The following PHAX variants were observed in gnomAD, a reference collection of about 807,000 sequenced individuals.
PHAX encodes the protein phosphorylated adaptor for RNA export.
A neutral mutation model predicts 41.6 loss-of-function variants in PHAX; 31 were observed. That is an observed-to-expected ratio of 0.75 (90% CI 0.56 to 1.01). PHAX has a LOEUF of 1.01. Among genes scored for constraint, PHAX ranks in the 50% least tolerant of loss-of-function variants. The pLI is 0.00. For synonymous variants in PHAX, 175 were observed against 164.9 expected, an observed-to-expected ratio of 1.06 and a Z score of -0.47; for missense variants, 453 against 472.9, an observed-to-expected ratio of 0.96 and a Z score of 0.39.
At chr5:126,621,612 A>G (rs1040421135) in intron 4 of PHAX, among the ~76,000 whole-genome samples, 1 of 152,214 alleles carries the variant, frequency 6.6e-6, no homozygotes, top group African/African-American at 2.4e-5. Flanking sequence ...GAACTTGACT[A>G]AGTTTGTTTT....
chr5:126,609,135 C>T (rs1752039821), intron 3 of PHAX, among the ~76,000 whole-genome samples: 1 of 111,178 alleles, frequency 9.0e-6, no homozygotes, highest in Non-Finnish European at 1.6e-5. Flanking sequence ...GAGTCTCGCT[C>T]TGTCGCCCAG....
Position 126,604,014 on chromosome 5 carries a change from G to C in PHAX, c.541G>C (p.Gly181Arg). The C allele has an allele frequency of 6.2e-7, 1 of 1,613,726 alleles. No homozygotes were observed. The highest frequency in any genetic ancestry group is 1.3e-5 in the African/African-American group (1 of 74,948). The change falls in exon 2 of 5, where the codon GGT (glycine) becomes CGT (arginine). Residue 181 changes from glycine to arginine, a missense_variant. By Grantham distance (125) the Gly-to-Arg change is moderately radical (BLOSUM62 -2). Transcript: ENST00000297540. ...LDKELDEYMH[G>R]GKKMGSKEEE... is the part of the protein sequence containing the mutation. Reference sequence around the variant, plus strand: ...CAAGGAACTAGATGAATATATGCATGGTGGCAAAAAAATGGGATCAAAGGA... The same window carrying C: ...CAAGGAACTAGATGAATATATGCATCGTGGCAAAAAAATGGGATCAAAGGA...
intron 2 of PHAX, among the ~76,000 whole-genome samples, chr5:126,605,697 G>A (rs1338465971): frequency 6.6e-6 from 1 of 152,120 alleles, no homozygotes; most frequent in Non-Finnish European, 1.5e-5. Flanking sequence ...CACCCACTGT[G>A]TTTTCTTAAA....
intron 3 of PHAX, among the ~76,000 whole-genome samples, chr5:126,613,457 C>T (rs1262794349): frequency 1.3e-5 from 2 of 152,128 alleles, no homozygotes; most frequent in Non-Finnish European, 2.9e-5. Flanking sequence ...TGTGGTGGCT[C>T]ACACGTGTGT....
At chr5:126,614,770 T>A (rs1229878856) in intron 3 of PHAX, among the ~76,000 whole-genome samples, 1 of 151,996 alleles carries the variant, frequency 6.6e-6, no homozygotes, top group Non-Finnish European at 1.5e-5. Flanking sequence ...CCCATTATTT[T>A]TTTTGAGATG....
chr5:126,622,978 T>C (rs1431907508), intron 4 of PHAX, among the ~76,000 whole-genome samples: 1 of 151,646 alleles, frequency 6.6e-6, no homozygotes, highest in Admixed American at 6.6e-5. Flanking sequence ...ATACAAAATA[T>C]AGTTAGGTGT....
At chr5:126,611,569 T>G (rs1315234757) in intron 3 of PHAX, among the ~76,000 whole-genome samples, 1 of 152,076 alleles carries the variant, frequency 6.6e-6, no homozygotes, top group African/African-American at 2.4e-5. Flanking sequence ...GTAGATTGCT[T>G]GAGTACAGGA....
At position 126,604,186 on chromosome 5, in the gene PHAX, G is replaced by T. The variant is rs1055505204; in HGVS notation, c.710+3G>T. 1 of 1,520,178 alleles carries T rather than the reference G, an allele frequency of 6.6e-7. No homozygotes were observed. The highest frequency in any genetic ancestry group is 1.4e-5 in the South Asian group (1 of 73,760). 94.2% of individuals were successfully genotyped at this position (1,520,178 alleles called of 1,614,324 possible). On this transcript the variant is annotated splice_donor_region_variant and intron_variant, in intron 2 of 4. Transcript: ENST00000297540. ...GTGGCTGATGAAATTTCATTCAGGT[G>T]AGCATTTGAATTACAAATAAGTACT...
Position 126,617,247 on chromosome 5 carries a change from T to C in PHAX, c.832-3T>C, listed in dbSNP as rs777649085. 3.1e-6 allele frequency: 5 copies of C among 1,600,418 alleles called. No homozygotes were observed. The African/African-American group carries it at 6.7e-5, about 21-fold the overall frequency. ...AGTTTACCTTTTCTGTTCCTTTTTG[T>C]AGAATGGTAGTCGAAGAAGAACACC... On this transcript the variant is annotated splice_region_variant and splice_polypyrimidine_tract_variant and intron_variant, in intron 3 of 4. Transcript: ENST00000297540.
intron 4 of PHAX, among the ~76,000 whole-genome samples, chr5:126,618,551 C>T (rs1478951405): frequency 1.3e-5 from 2 of 152,042 alleles, no homozygotes; most frequent in East Asian, 1.9e-4. Context: ...ATACTTTCCC[C>T]CTAAGCAGAA....
chr5:126,611,970 A>G (rs935205711), intron 3 of PHAX, among the ~76,000 whole-genome samples: 7 of 151,906 alleles, frequency 4.6e-5, no homozygotes, highest in African/African-American at 1.7e-4. Flanking sequence ...CAGGAAGAAT[A>G]GACCAAGCAG....
chr5:126,603,775 A>G lies in PHAX; in HGVS notation c.302A>G (p.Gln101Arg). ...AAACCAGAGCCTTTTCAGTTTGGCC[A>G]GAGCAGTCAGAAACCACCTGTTGCT... is the stretch of plus-strand genomic sequence containing the variant. ...PPKPEPFQFG[Q>R]SSQKPPVAGG... The change falls in exon 2 of 5, where the codon CAG (glutamine) becomes CGG (arginine). Residue 101 changes from glutamine (Q) to arginine (R), a missense_variant. Transcript: ENST00000297540. 2 of 1,614,200 alleles carry G rather than the reference A, an allele frequency of 1.2e-6. No individual in the cohort carries two copies. The highest frequency in any genetic ancestry group is 2.2e-5 in the South Asian group (2 of 91,084).
intron 3 of PHAX, among the ~76,000 whole-genome samples, chr5:126,615,261 A>C (rs1427331859): frequency 6.6e-6 from 1 of 152,114 alleles, no homozygotes; most frequent in Admixed American, 6.6e-5. Context: ...GTCGATCCTC[A>C]TTATTTGTAG....
chr5:126,622,072 C>T (rs986401062), intron 4 of PHAX, among the ~76,000 whole-genome samples: 1 of 151,686 alleles, frequency 6.6e-6, no homozygotes, highest in African/African-American at 2.4e-5. Flanking sequence ...TCCTGCCTCA[C>T]CCTCCCAAGT....
intron 1 of PHAX, 136 bp from the exon 2 acceptor site, chr5:126,603,434 C>G: frequency 2.1e-6 from 2 of 935,302 alleles, no homozygotes; most frequent in Non-Finnish European, 1.6e-6. Flanking sequence ...AAAGTAGGAA[C>G]TTGATTGGTC....
At chr5:126,609,193 C>G (rs564326547) in intron 3 of PHAX, among the ~76,000 whole-genome samples, 1 of 149,280 alleles carries the variant, frequency 6.7e-6, no homozygotes, top group Non-Finnish European at 1.5e-5. Flanking sequence ...CTCCGCCTCC[C>G]GAGTTCAAGC....
chr5:126,607,865 CTTA>C (rs1446537839), intron 2 of PHAX, among the ~76,000 whole-genome samples: 1 of 152,102 alleles, frequency 6.6e-6, no homozygotes, highest in Non-Finnish European at 1.5e-5. Flanking sequence ...TAGGATTGTG[CTTA>C]TTATAATCAT....
chr5:126,601,162 C>G (rs1751891693), intron 1 of PHAX, 104 bp downstream of exon 1: 1 of 777,306 alleles, frequency 1.3e-6, no homozygotes. Context: ...GCTAGGAGCC[C>G]GGGCCAGAGC....
intron 4 of PHAX, among the ~76,000 whole-genome samples, chr5:126,623,930 G>C (rs919442032): frequency 2.0e-5 from 3 of 151,010 alleles, no homozygotes; most frequent in African/African-American, 4.9e-5. Context: ...CTCTGTTTTA[G>C]TACAGGTTGA....
Sources: allele counts gnomAD v4.1 joint callset (sites outside exome capture counted in the v4.1 genomes callset), GRCh38; gene constraint gnomAD v4.1.1; transcripts MANE v1.5; gene names NCBI Gene and HGNC (gene_info 2026-07-23, HGNC 2026-07-21).